CAAP1: variants seen among roughly 807,000 people sequenced by gnomAD.
CAAP1 encodes conserved anti-apoptotic protein.
Under a neutral mutation model 34.0 loss-of-function variants are expected in CAAP1, and 20 were observed. The observed-to-expected ratio is 0.59, with a 90% CI of 0.41 to 0.86. The LOEUF (loss-of-function observed/expected upper bound fraction) is 0.86. Ranked by LOEUF, CAAP1 falls within the 40% of genes least tolerant of loss-of-function variation. CAAP1 has a pLI of 0.00. For missense variants in CAAP1, 538 were observed against 450.5 expected (o/e 1.19, Z -1.76); for synonymous variants, 213 against 166.7 (o/e 1.28, Z -2.14).
intron 5 of CAAP1, among the ~76,000 whole-genome samples, chr9:26,847,499 C>A (rs937634043): frequency 6.6e-6 from 1 of 151,914 alleles, no homozygotes; most frequent in African/African-American, 2.4e-5. Context: ...CAGGAGTGAG[C>A]CACCGTGCCC....
intron 5 of CAAP1, among the ~76,000 whole-genome samples, chr9:26,844,563 GA>G (rs1206154924): frequency 6.6e-6 from 1 of 151,898 alleles, no homozygotes; most frequent in African/African-American, 2.4e-5. Flanking sequence ...AATGAATGAA[GA>G]GCTGAATAAT....
At chr9:26,891,990 C>T (rs1230940150) in intron 1 of CAAP1, among the ~76,000 whole-genome samples, 6 of 151,976 alleles carry the variant, frequency 3.9e-5, no homozygotes, top group Non-Finnish European at 8.8e-5. Context: ...ACTCTGTGAC[C>T]GTGGGTAAAG....
At chr9:26,866,319 G>A (rs1823137969) in intron 4 of CAAP1, among the ~76,000 whole-genome samples, 1 of 152,124 alleles carries the variant, frequency 6.6e-6, no homozygotes, top group Admixed American at 6.5e-5. Context: ...ATGGGAAAAG[G>A]TACAGAATAG....
chr9:26,881,466 A>G (rs972377839), intron 4 of CAAP1, among the ~76,000 whole-genome samples: 1 of 152,162 alleles, frequency 6.6e-6, no homozygotes, highest in African/African-American at 2.4e-5. Context: ...GGTGGAAGTA[A>G]GTTTCACAAG....
chr9:26,850,507 T>C (rs1274453161), intron 5 of CAAP1, among the ~76,000 whole-genome samples: 1 of 152,240 alleles, frequency 6.6e-6, no homozygotes, highest in Non-Finnish European at 1.5e-5. Flanking sequence ...GTAAATTATC[T>C]TTGGAAATAC....
chr9:26,875,247 G>A (rs1481702909), intron 4 of CAAP1, among the ~76,000 whole-genome samples: 4 of 152,068 alleles, frequency 2.6e-5, no homozygotes, highest in Non-Finnish European at 5.9e-5. Flanking sequence ...TTAGCCAGGC[G>A]TGGTGGCATG....
chr9:26,873,031 C>T (rs997037123), intron 4 of CAAP1, among the ~76,000 whole-genome samples: 2 of 152,070 alleles, frequency 1.3e-5, no homozygotes, highest in African/African-American at 4.8e-5. Context: ...GTGGCTGAGG[C>T]AGAAGGATCT....
At chr9:26,888,393 G>T (rs1330803107) in intron 1 of CAAP1, among the ~76,000 whole-genome samples, 2 of 152,090 alleles carry the variant, frequency 1.3e-5, no homozygotes, top group African/African-American at 4.8e-5. Flanking sequence ...ATTTTCCTAT[G>T]ACAGTCTTTC....
intron 4 of CAAP1, among the ~76,000 whole-genome samples, chr9:26,872,264 C>T (rs1823295734): frequency 6.6e-6 from 1 of 152,036 alleles, no homozygotes; most frequent in African/African-American, 2.4e-5. Context: ...TAAATGCCTA[C>T]CCTGAGCATA....
chr9:26,843,230 A>G (rs1005101100), intron 5 of CAAP1, among the ~76,000 whole-genome samples: 2 of 152,232 alleles, frequency 1.3e-5, no homozygotes, highest in East Asian at 3.8e-4. Context: ...ATTTGTTTTA[A>G]TGACGAGGAT....
intron 5 of CAAP1, among the ~76,000 whole-genome samples, chr9:26,859,601 G>A (rs1225651894): frequency 3.9e-5 from 6 of 152,098 alleles, no homozygotes; most frequent in African/African-American, 1.4e-4. Flanking sequence ...TATACATGAG[G>A]TGTAATCTAA....
chr9:26,845,081 G>A (rs936987384), intron 5 of CAAP1, among the ~76,000 whole-genome samples: 1 of 152,156 alleles, frequency 6.6e-6, no homozygotes, highest in African/African-American at 2.4e-5. Context: ...CTGTGAAAGT[G>A]TCATCCTGCT....
intron 5 of CAAP1, among the ~76,000 whole-genome samples, chr9:26,857,938 T>C (rs921717257): frequency 6.6e-6 from 1 of 152,232 alleles, no homozygotes; most frequent in Non-Finnish European, 1.5e-5. Flanking sequence ...CAAGCAATAC[T>C]TCAGTATTTT....
intron 4 of CAAP1, among the ~76,000 whole-genome samples, chr9:26,861,370 G>A (rs1327561393): frequency 6.6e-6 from 1 of 152,038 alleles, no homozygotes; most frequent in East Asian, 1.9e-4. Flanking sequence ...TAAAATCAAG[G>A]GGCAAACCTG....
intron 5 of CAAP1, among the ~76,000 whole-genome samples, 169 bp downstream of exon 5, chr9:26,860,897 T>A (rs1387052275): frequency 6.6e-6 from 1 of 152,208 alleles, no homozygotes; most frequent in Non-Finnish European, 1.5e-5. Context: ...TAAAATATAA[T>A]CATTTCAGTA....
At chr9:26,868,221 C>CT (rs1390114354) in intron 4 of CAAP1, among the ~76,000 whole-genome samples, 2 of 151,330 alleles carry the variant, frequency 1.3e-5, no homozygotes, top group Non-Finnish European at 3.0e-5. Flanking sequence ...CGGCAAAAAA[C>CT]TTTGTGATTG....
intron 1 of CAAP1, among the ~76,000 whole-genome samples, chr9:26,889,740 G>C (rs1823852356): frequency 6.6e-6 from 1 of 150,680 alleles, no homozygotes; most frequent in South Asian, 2.1e-4. Context: ...TTGTGGCAGA[G>C]GCCTGTTGCC....
chr9:26,869,877 C>T (rs903178852), intron 4 of CAAP1: 17 of 786,388 alleles, frequency 2.2e-5, no homozygotes, highest in Non-Finnish European at 2.3e-5. Context: ...AGAGAAACTT[C>T]AATTTTTTAA....
In CAAP1 at chr9:26,841,765, G is replaced by A. The variant is rs1444891765; in HGVS notation, c.*536C>T. On this transcript the variant is annotated 3_prime_UTR_variant, in exon 6 of 6. Transcript: ENST00000333916. Reference sequence around the variant, plus strand: ...ATTAATTCCTTCCTTTAATAAAAAAGTTTTTCTCAGTCATTTCAGATCTCT... The same window carrying A: ...ATTAATTCCTTCCTTTAATAAAAAAATTTTTCTCAGTCATTTCAGATCTCT... The A allele has an allele frequency of 6.6e-6, 1 of 152,474 alleles. No homozygotes were observed. The highest frequency in any genetic ancestry group is 1.5e-5 in the Non-Finnish European group (1 of 68,008). 9.4% of individuals were successfully genotyped at this position (152,474 alleles called of 1,614,324 possible).
Sources: gnomAD v4.1 joint callset for allele counts (sites outside exome capture counted in the v4.1 genomes callset) on GRCh38, gnomAD v4.1.1 for gene constraint, MANE v1.5 for transcripts, NCBI Gene and HGNC (gene_info 2026-07-23, HGNC 2026-07-21) for gene names.